DNM3: variants seen among roughly 807,000 people sequenced by gnomAD.
The protein encoded by DNM3 is dynamin-3.
A neutral mutation model predicts 101.6 loss-of-function variants in DNM3; 47 were observed. The ratio of observed to expected loss-of-function variants is 0.46; its 90% CI spans 0.37 to 0.59. The LOEUF (loss-of-function observed/expected upper bound fraction) is 0.59, where lower values mean the gene tolerates loss of function less well. DNM3 is among the 20% of genes least tolerant of loss of function. The probability of loss-of-function intolerance (pLI) is 0.00; values close to 1 mark genes in which losing one functional copy is unlikely to be tolerated. For synonymous variants in DNM3, 385 were observed against 387.9 expected (o/e 0.99, Z 0.09); for missense variants, 849 against 1,085.7 (o/e 0.78, Z 3.06).
At chr1:172,146,425 A>G (rs1419819180) in intron 14 of DNM3, among the ~76,000 whole-genome samples, 5 of 152,144 alleles carry the variant, frequency 3.3e-5, no homozygotes, top group Non-Finnish European at 7.4e-5. Context: ...TGGGTACACC[A>G]TTCATAGAAA....
intron 2 of DNM3, among the ~76,000 whole-genome samples, chr1:171,948,458 G>C (rs1001588270): frequency 6.6e-6 from 1 of 152,072 alleles, no homozygotes; most frequent in Non-Finnish European, 1.5e-5. Context: ...GGGTGCTTGA[G>C]AATGGAAGGG....
intron 4 of DNM3, among the ~76,000 whole-genome samples, chr1:172,012,345 A>AT (rs1233995723): frequency 6.6e-6 from 1 of 152,076 alleles, no homozygotes; most frequent in Admixed American, 6.6e-5. Context: ...AAAGTGGCAC[A>AT]TATCACATCT....
At chr1:171,954,074 C>G (rs2042701878) in intron 2 of DNM3, among the ~76,000 whole-genome samples, 4 of 152,166 alleles carry the variant, frequency 2.6e-5, no homozygotes, top group Admixed American at 2.6e-4. Context: ...GGACATTAAC[C>G]TGCAATTAAC....
intron 4 of DNM3, among the ~76,000 whole-genome samples, chr1:172,019,814 T>G: frequency 6.6e-6 from 1 of 152,280 alleles, no homozygotes; most frequent in Middle Eastern, 3.4e-3. Flanking sequence ...CAGCATTTCT[T>G]TTTATTCTTT....
chr1:171,912,233 G>C (rs1167968855), intron 1 of DNM3, among the ~76,000 whole-genome samples: 1 of 152,016 alleles, frequency 6.6e-6, no homozygotes, highest in East Asian at 1.9e-4. Context: ...GGTTCTTGGG[G>C]GACAAAAAGA....
intron 11 of DNM3, among the ~76,000 whole-genome samples, chr1:172,070,939 T>G (rs1338030015): frequency 6.6e-6 from 1 of 150,576 alleles, no homozygotes; most frequent in Non-Finnish European, 1.5e-5. Context: ...TATTAAACAA[T>G]TAGCTGGGCA....
At chr1:171,978,380 G>A (rs1311915487) in intron 2 of DNM3, among the ~76,000 whole-genome samples, 7 of 152,104 alleles carry the variant, frequency 4.6e-5, no homozygotes, top group Admixed American at 6.6e-5. Flanking sequence ...GAGATCAGAG[G>A]GACAAACATT....
intron 18 of DNM3, among the ~76,000 whole-genome samples, chr1:172,380,544 A>G (rs1490706624): frequency 6.6e-6 from 1 of 152,076 alleles, no homozygotes; most frequent in Non-Finnish European, 1.5e-5. Context: ...TGTGGGAACT[A>G]TGAATTGTAT....
intron 2 of DNM3, among the ~76,000 whole-genome samples, chr1:171,932,408 C>G (rs1295780132): frequency 6.6e-6 from 1 of 151,844 alleles, no homozygotes; most frequent in African/African-American, 2.4e-5. Flanking sequence ...ATTTACCTGC[C>G]TTGGCTTCTC....
At chr1:172,056,970 T>C (rs1340498651) in intron 10 of DNM3, among the ~76,000 whole-genome samples, 1 of 151,904 alleles carries the variant, frequency 6.6e-6, no homozygotes, top group Non-Finnish European at 1.5e-5. Context: ...AATGTATAAC[T>C]AGAATAACCA....
chr1:172,262,240 G>C (rs2062685838), intron 15 of DNM3, among the ~76,000 whole-genome samples: 4 of 152,084 alleles, frequency 2.6e-5, no homozygotes, highest in Admixed American at 2.6e-4. Context: ...TTTGTCCTTG[G>C]GGGCATATGA....
rs1284058397 is a variant in DNM3 at position 172,411,474 on chromosome 1, T to C, written c.*3633T>C. On this transcript the variant is annotated 3_prime_UTR_variant, in exon 21 of 21. Coordinates refer to ENST00000627582, the MANE Select transcript of DNM3 (RefSeq NM_015569.5). ...ATTGGAATTATAAATTATTTTTGGA[T>C]TGCTGAGCTGAATCTTAAAAAGCCA... 1.0e-6 allele frequency: 1 copy of C among 984,598 alleles called. No individual in the cohort carries two copies. Among genetic ancestry groups the C allele is most frequent in the Non-Finnish European group, 1.2e-6 (1 of 829,446 alleles). 61.0% of individuals were successfully genotyped at this position (984,598 alleles called of 1,614,324 possible).
At chr1:171,908,371 G>A (rs61805806) in intron 1 of DNM3, among the ~76,000 whole-genome samples, 13,397 of 152,224 alleles carry the variant, frequency 0.088, 728 homozygotes, top group East Asian at 0.15. Context: ...ATTAACAAAA[G>A]TAATATAGAT....
intron 14 of DNM3, among the ~76,000 whole-genome samples, chr1:172,132,445 G>GA (rs1242214557): frequency 6.6e-6 from 1 of 152,290 alleles, no homozygotes; most frequent in East Asian, 1.9e-4. Flanking sequence ...GTGATAGTAT[G>GA]AGGGTTAGCA....
intron 14 of DNM3, among the ~76,000 whole-genome samples, chr1:172,233,946 C>A (rs1296308016): frequency 6.6e-6 from 1 of 152,134 alleles, no homozygotes; most frequent in African/African-American, 2.4e-5. Context: ...ACTGAATGGG[C>A]AAAAACTGGA....
rs1553207717 is a variant in DNM3 at position 172,247,656 on chromosome 1, C to CTTTCTTAT, written c.1660-5915_1660-5914insTCTTATTT. On this transcript the variant is annotated intron_variant, in intron 14 of 20. Transcript: ENST00000627582. ...TCTCTTTATTACTCTATTATTATTT[C>CTTTCTTAT]TTATTTATTTATTTATTTATTTATT... Among the ~76,000 whole-genome samples, 556 of 135,382 alleles carry CTTTCTTAT rather than the reference C, an allele frequency of 4.1e-3. 6 individuals carry two copies. Among genetic ancestry groups the CTTTCTTAT allele is most frequent in the Admixed American group, 0.021 (291 of 13,764 alleles). The allele number at this position is 135,382 out of a possible 152,430, so 88.8% of individuals were successfully genotyped here. A position where few individuals can be genotyped will look rare whatever the true frequency, so the allele number is the denominator to read the frequency against.
chr1:172,260,164 T>C (rs767039368), intron 15 of DNM3, among the ~76,000 whole-genome samples: 21 of 152,140 alleles, frequency 1.4e-4, no homozygotes, highest in Admixed American at 1.0e-3. Flanking sequence ...TCTCCTGTCT[T>C]GTTAGGGTTC....
intron 16 of DNM3, among the ~76,000 whole-genome samples, chr1:172,318,195 G>T (rs2065491786): frequency 2.6e-5 from 4 of 152,088 alleles, no homozygotes; most frequent in Admixed American, 2.6e-4. Flanking sequence ...AGCCCTTCAG[G>T]CTATAAACTC....
chr1:171,870,837 G>A (rs1467926552), intron 1 of DNM3, among the ~76,000 whole-genome samples: 2 of 152,156 alleles, frequency 1.3e-5, no homozygotes, highest in African/African-American at 4.8e-5. Flanking sequence ...GTGTTGAAAG[G>A]TAGTACCCAG....
Sources: gnomAD v4.1 joint callset for allele counts (sites outside exome capture counted in the v4.1 genomes callset) on GRCh38, gnomAD v4.1.1 for gene constraint, MANE v1.5 for transcripts, NCBI Gene and HGNC (gene_info 2026-07-23, HGNC 2026-07-21) for gene names.